Variants in DNAAF10 observed in about 807,000 individuals in gnomAD.
The protein encoded by DNAAF10 is dynein axonemal assembly factor 10.
Under a neutral mutation model 43.7 loss-of-function variants are expected in DNAAF10, and 28 were observed. The ratio of observed to expected loss-of-function variants is 0.64; its 90% CI spans 0.48 to 0.88. DNAAF10 has a LOEUF of 0.88. DNAAF10 is among the 40% of genes least tolerant of loss of function. The pLI, the probability that DNAAF10 is intolerant of heterozygous loss-of-function variation, is 0.00. For missense variants in DNAAF10, 403 were observed against 439.1 expected, an observed-to-expected ratio of 0.92 and a Z score of 0.73; for synonymous variants, 156 against 157.3, an observed-to-expected ratio of 0.99 and a Z score of 0.06.
intron 1 of DNAAF10, among the ~76,000 whole-genome samples, chr2:68,153,439 A>G (rs979284460): frequency 1.3e-5 from 2 of 151,956 alleles, no homozygotes; most frequent in African/African-American, 4.8e-5. Context: ...CTGTTTCCTA[A>G]TATTTTAATA....
chr2:68,136,193 G>A (rs1338269132), intron 6 of DNAAF10, among the ~76,000 whole-genome samples: 2 of 148,892 alleles, frequency 1.3e-5, no homozygotes, highest in Non-Finnish European at 3.0e-5. Flanking sequence ...ACACCAGCCT[G>A]GGTAAGAGGG....
chr2:68,132,050 A>ATTT (rs199930936), intron 7 of DNAAF10: 1 of 150,870 alleles, frequency 6.6e-6, no homozygotes, highest in Non-Finnish European at 1.5e-5. Context: ...TTCTGAGAAC[A>ATTT]TTTTTTTTTT....
At chr2:68,153,106 T>C (rs78769299) in intron 1 of DNAAF10, among the ~76,000 whole-genome samples, 3,780 of 152,240 alleles carry the variant, frequency 0.025, 140 homozygotes, top group African/African-American at 0.083. Flanking sequence ...GTCTCACACA[T>C]GTAAGGCTTG....
intron 7 of DNAAF10, among the ~76,000 whole-genome samples, chr2:68,133,426 C>T (rs1040816697): frequency 2.0e-5 from 3 of 151,906 alleles, no homozygotes; most frequent in Non-Finnish European, 2.9e-5. Context: ...AGTAGAGACC[C>T]GGTTTTGCCA....
chr2:68,145,476 GAT>G (rs1365704441), intron 2 of DNAAF10, among the ~76,000 whole-genome samples: 1 of 152,092 alleles, frequency 6.6e-6, no homozygotes, highest in Non-Finnish European at 1.5e-5. Context: ...AATTCAAAGT[GAT>G]ATAGAATTCT....
At chr2:68,138,166 C>G (rs1282563052) in intron 5 of DNAAF10, among the ~76,000 whole-genome samples, 1 of 151,434 alleles carries the variant, frequency 6.6e-6, no homozygotes, top group Non-Finnish European at 1.5e-5. Context: ...CAGAGCAAGA[C>G]TCCATCTCAA....
chr2:68,153,500 C>T (rs1438313982), intron 1 of DNAAF10, among the ~76,000 whole-genome samples: 1 of 151,990 alleles, frequency 6.6e-6, no homozygotes, highest in Non-Finnish European at 1.5e-5. Context: ...ATTAAAATCA[C>T]CTTGCGGAAG....
In DNAAF10 at chr2:68,138,833, C is replaced by T. The variant is rs1398619515; in HGVS notation, c.542G>A (p.Arg181His). ...ATTGTCATAGCCAGCACAAACAACA[C>T]GTTCTTCTTGATTATAAGCATTGCC... ...AFGNAYNQEERVVCAGYDNGD... is the reference protein window; with the variant it reads ...AFGNAYNQEEHVVCAGYDNGD... Residue 181 changes from arginine (R) to histidine (H), a missense_variant, in exon 5 of 8, where the codon CGT (arginine) becomes CAT (histidine). Coordinates refer to ENST00000295121, the MANE Select transcript of DNAAF10 (RefSeq NM_138458.4). The T allele has an allele frequency of 5.6e-6, 9 of 1,613,682 alleles. No individual in the cohort carries two copies. Among genetic ancestry groups the T allele is most frequent in the African/African-American group, 1.3e-5 (1 of 74,922 alleles).
At chr2:68,144,811 T>C (rs1395050473) in intron 2 of DNAAF10, 96 bp from the exon 3 acceptor site, 6 of 1,437,924 alleles carry the variant, frequency 4.2e-6, no homozygotes, top group Non-Finnish European at 5.5e-6. Context: ...ATTTTTTCTG[T>C]ATAGAAATTA....
chr2:68,143,614 G>C (rs187945109), intron 3 of DNAAF10, among the ~76,000 whole-genome samples: 2 of 152,086 alleles, frequency 1.3e-5, no homozygotes, highest in South Asian at 4.1e-4. Context: ...GCTTATAAGG[G>C]AATGGTTAAG....
intron 2 of DNAAF10, among the ~76,000 whole-genome samples, chr2:68,147,221 C>T (rs781094182): frequency 1.1e-4 from 17 of 151,768 alleles, no homozygotes; most frequent in African/African-American, 3.9e-4. Flanking sequence ...CACCAAACTG[C>T]GTGTGTGAAA....
intron 2 of DNAAF10, among the ~76,000 whole-genome samples, chr2:68,145,269 C>T (rs1015814084): frequency 1.3e-5 from 2 of 151,304 alleles, no homozygotes; most frequent in Non-Finnish European, 2.9e-5. Context: ...TATCTGAGGA[C>T]GTGGCTCTCA....
intron 1 of DNAAF10, among the ~76,000 whole-genome samples, chr2:68,152,740 C>T (rs1286626887): frequency 1.3e-5 from 2 of 152,064 alleles, no homozygotes; most frequent in Non-Finnish European, 2.9e-5. Flanking sequence ...TCATAATTGA[C>T]CTAACTGTTC....
intron 2 of DNAAF10, among the ~76,000 whole-genome samples, chr2:68,146,448 G>A (rs1290329512): frequency 6.6e-6 from 1 of 152,094 alleles, no homozygotes; most frequent in Non-Finnish European, 1.5e-5. Context: ...AAAGTAAATT[G>A]GTAATATCTG....
chr2:68,142,660 C>T (rs922959351), intron 3 of DNAAF10, among the ~76,000 whole-genome samples: 4 of 151,972 alleles, frequency 2.6e-5, no homozygotes, highest in African/African-American at 9.7e-5. Context: ...AATTTCAACC[C>T]CCTTGTTTTA....
At position 68,131,161 on chromosome 2, in the gene DNAAF10, A is replaced by T. The variant is rs1000826629; in HGVS notation, c.*77T>A. ...TCTCGATCTCCTGACCTTCTGATCC[A>T]CCCGCCTCGGCCTCCCAAAGTGCTG... is the stretch of plus-strand genomic sequence containing the variant. On this transcript the variant is annotated 3_prime_UTR_variant, in exon 8 of 8. Transcript: ENST00000295121. 3 of 1,433,950 alleles carry T rather than the reference A, an allele frequency of 2.1e-6. No individual in the cohort carries two copies. In the African/African-American group the frequency reaches 4.2e-5, roughly 20 times the overall value. 88.8% of individuals were successfully genotyped at this position (1,433,950 alleles called of 1,614,324 possible). A position where few individuals can be genotyped will look rare whatever the true frequency, so the allele number is the denominator to read the frequency against.
At chr2:68,144,447 T>C in intron 3 of DNAAF10, 138 bp downstream of exon 3, 1 of 1,137,820 alleles carries the variant, frequency 8.8e-7, no homozygotes. Flanking sequence ...ACTTGTCTGT[T>C]AAAAAAGTAG....
chr2:68,152,994 T>C (rs1373378815), intron 1 of DNAAF10, among the ~76,000 whole-genome samples: 2 of 152,240 alleles, frequency 1.3e-5, no homozygotes, highest in East Asian at 3.8e-4. Flanking sequence ...TTTTTTTTAA[T>C]ATAAACATCT....
In DNAAF10 at chr2:68,130,914, CT is replaced by C. The variant is rs879114176; in HGVS notation, c.*323del. ...CTCTGGAAGGTTTCAAGTCCAAAGT[CT>C]TTTTTTTTTTTTTTTTTTTTGAGAC... is the stretch of plus-strand genomic sequence containing the variant. On this transcript the variant is annotated 3_prime_UTR_variant, in exon 8 of 8. Coordinates refer to ENST00000295121, the MANE Select transcript of DNAAF10 (RefSeq NM_138458.4). The C allele has an allele frequency of 7.8e-3, 956 of 122,534 alleles. 1 individual carries two copies. Among genetic ancestry groups the C allele is most frequent in the East Asian group, 0.014 (68 of 4,798 alleles). 7.6% of individuals were successfully genotyped at this position (122,534 alleles called of 1,614,324 possible).
Sources: gnomAD v4.1 joint callset for allele counts (sites outside exome capture counted in the v4.1 genomes callset) on GRCh38, gnomAD v4.1.1 for gene constraint, MANE v1.5 for transcripts, NCBI Gene and HGNC (gene_info 2026-07-23, HGNC 2026-07-21) for gene names.